DAB1: variants seen among roughly 807,000 people sequenced by gnomAD.
The protein encoded by DAB1 is disabled homolog 1.
DAB1 carries 15 observed loss-of-function variants against 64.6 expected under a neutral mutation model. The observed-to-expected ratio is 0.23, with a 90% CI of 0.16 to 0.36. The LOEUF (loss-of-function observed/expected upper bound fraction) is 0.36, where lower values mean the gene tolerates loss of function less well. DAB1 is among the 10% of genes least tolerant of loss of function. DAB1 has a pLI of 1.00. For synonymous variants in DAB1, 235 were observed against 251.9 expected (o/e 0.93, Z 0.64); for missense variants, 596 against 706.7 (o/e 0.84, Z 1.78).
intron 1 of DAB1, among the ~76,000 whole-genome samples, chr1:57,404,046 A>T (rs1022868529): frequency 6.6e-6 from 1 of 152,190 alleles, no homozygotes; most frequent in Non-Finnish European, 1.5e-5. Flanking sequence ...GCCACAAGAG[A>T]TTACTGAATG....
intron 3 of DAB1, among the ~76,000 whole-genome samples, chr1:58,428,299 C>T (rs1644839445): frequency 6.6e-6 from 1 of 152,192 alleles, no homozygotes; most frequent in South Asian, 2.1e-4. Context: ...AAACTGGCTC[C>T]AATCAAGCCT....
intron 9 of DAB1, among the ~76,000 whole-genome samples, chr1:57,057,409 G>T (rs2100549885): frequency 6.6e-6 from 1 of 152,140 alleles, no homozygotes; most frequent in East Asian, 1.9e-4. Flanking sequence ...TTTGAGAAAT[G>T]GACTATGTAA....
chr1:57,695,389 A>AAAGAAAAGAAAG (rs1646827594), intron 6 of DAB1, among the ~76,000 whole-genome samples: 7 of 74,720 alleles, frequency 9.4e-5, no homozygotes, highest in Non-Finnish European at 1.8e-4. Flanking sequence ...AGAAAGAAAG[A>AAAGAAAAGAAAG]AAGAAAGAAA....
chr1:58,480,749 C>A (rs1004714719), intron 3 of DAB1: 7 of 385,496 alleles, frequency 1.8e-5, no homozygotes, highest in African/African-American at 1.5e-4. Context: ...TATTCTGTGA[C>A]ATTTTCCTCA....
chr1:57,719,960 G>A (rs1341957983), intron 6 of DAB1, among the ~76,000 whole-genome samples: 1 of 152,136 alleles, frequency 6.6e-6, no homozygotes, highest in African/African-American at 2.4e-5. Flanking sequence ...TGTGACCCTG[G>A]CCAAATTACT....
At chr1:57,389,520 A>G (rs915007759) in intron 1 of DAB1, among the ~76,000 whole-genome samples, 6 of 152,170 alleles carry the variant, frequency 3.9e-5, no homozygotes, top group African/African-American at 1.4e-4. Flanking sequence ...TGCCTCAAAT[A>G]TGATGTTTCC....
chr1:58,331,295 C>A (rs1188337928), intron 4 of DAB1, among the ~76,000 whole-genome samples: 1 of 152,130 alleles, frequency 6.6e-6, no homozygotes, highest in East Asian at 1.9e-4. Flanking sequence ...CATGATAAAA[C>A]TTTAAGGAAT....
chr1:57,570,299 A>C (rs1026026063), intron 7 of DAB1, among the ~76,000 whole-genome samples: 10 of 152,048 alleles, frequency 6.6e-5, no homozygotes, highest in Admixed American at 6.6e-4. Context: ...CAAGTTCTTC[A>C]GTTTTGGAAC....
At chr1:57,718,237 A>G (rs564414660) in intron 6 of DAB1, among the ~76,000 whole-genome samples, 17 of 152,336 alleles carry the variant, frequency 1.1e-4, no homozygotes, top group African/African-American at 4.1e-4. Flanking sequence ...TACACAATGT[A>G]TACCTGTATT....
chr1:57,954,619 C>T (rs1372382924), intron 5 of DAB1, among the ~76,000 whole-genome samples: 1 of 152,226 alleles, frequency 6.6e-6, no homozygotes, highest in African/African-American at 2.4e-5. Flanking sequence ...CATCCAGCAA[C>T]TTACCTGCAG....
At position 57,747,807 on chromosome 1, in the gene DAB1, C is replaced by CAAAA. The variant is rs373640023; in HGVS notation, n.552-98146_552-98143dup. 4.8e-4 allele frequency among the ~76,000 whole-genome samples: 21 copies of CAAAA among 43,954 alleles called. 2 individuals carry two copies. Among genetic ancestry groups the CAAAA allele is most frequent in the African/African-American group, 1.2e-3 (16 of 13,162 alleles). 28.8% of individuals were successfully genotyped at this position (43,954 alleles called of 152,430 possible). ...CTGGGCGACAGAGGAGGACTCTGTC[C>CAAAA]AAAAAAAAAAAAAAAAAAAAAAAAA... On this transcript the variant is annotated intron_variant and non_coding_transcript_variant, in intron 6 of 20. Transcript: ENST00000485760.
chr1:58,375,343 G>A (rs975313712), intron 3 of DAB1, among the ~76,000 whole-genome samples: 1 of 139,546 alleles, frequency 7.2e-6, no homozygotes, highest in Non-Finnish European at 1.5e-5. Flanking sequence ...TTATTATTTT[G>A]AAATACATCC....
At chr1:57,820,050 C>G (rs764190943) in intron 6 of DAB1, among the ~76,000 whole-genome samples, 1 of 152,148 alleles carries the variant, frequency 6.6e-6, no homozygotes, top group African/African-American at 2.4e-5. Context: ...TCAGAGCAGC[C>G]GTGCAAAGTA....
intron 7 of DAB1, among the ~76,000 whole-genome samples, chr1:57,439,045 G>C (rs1685807373): frequency 6.6e-6 from 1 of 152,184 alleles, no homozygotes; most frequent in African/African-American, 2.4e-5. Flanking sequence ...AGCCAGAGTG[G>C]TTGATTCAAG....
chr1:57,127,325 C>G (rs747096236), intron 4 of DAB1, among the ~76,000 whole-genome samples: 8 of 152,154 alleles, frequency 5.3e-5, no homozygotes, highest in Non-Finnish European at 1.0e-4. Flanking sequence ...AAGCGTCTTT[C>G]TCCATTACTC....
chr1:57,886,844 G>A (rs1186174837), upstream of DAB1, among the ~76,000 whole-genome samples: 3 of 152,194 alleles, frequency 2.0e-5, no homozygotes, highest in African/African-American at 7.2e-5. Flanking sequence ...ATTTTAATTT[G>A]TAAAAAGGAG....
intron 5 of DAB1, among the ~76,000 whole-genome samples, chr1:57,984,389 C>T (rs1235671952): frequency 3.3e-5 from 5 of 152,118 alleles, no homozygotes; most frequent in Admixed American, 6.6e-5. Flanking sequence ...GCAAAACTCA[C>T]TCCTTTCTTC....
chr1:58,188,567 TAA>T (rs1016243994), intron 4 of DAB1, among the ~76,000 whole-genome samples: 2 of 152,220 alleles, frequency 1.3e-5, no homozygotes, highest in African/African-American at 2.4e-5. Context: ...CCCATGTTTA[TAA>T]TCACGGAGCT....
intron 5 of DAB1, among the ~76,000 whole-genome samples, chr1:58,002,740 G>C (rs1362259078): frequency 6.6e-6 from 1 of 152,106 alleles, no homozygotes; most frequent in Non-Finnish European, 1.5e-5. Flanking sequence ...CTAATGACTT[G>C]ATAAAGCCAT....
Sources: allele counts gnomAD v4.1 joint callset (sites outside exome capture counted in the v4.1 genomes callset), GRCh38; gene constraint gnomAD v4.1.1; transcripts MANE v1.5; gene names NCBI Gene and HGNC (gene_info 2026-07-23, HGNC 2026-07-21).